MYRIP: variants seen among roughly 807,000 people sequenced by gnomAD.
The protein encoded by MYRIP is rab effector MyRIP.
A neutral mutation model predicts 98.0 loss-of-function variants in MYRIP; 49 were observed. The ratio of observed to expected loss-of-function variants is 0.50; its 90% CI spans 0.40 to 0.63. The LOEUF (loss-of-function observed/expected upper bound fraction) is 0.63. Ranked by LOEUF, MYRIP falls within the 30% of genes least tolerant of loss-of-function variation. MYRIP has a pLI of 0.00. For missense variants in MYRIP, 1,004 were observed against 1,058.2 expected, an observed-to-expected ratio of 0.95 and a Z score of 0.71; for synonymous variants, 404 against 409.5, an observed-to-expected ratio of 0.99 and a Z score of 0.16.
At chr3:40,198,370 G>A (rs1465070196) in intron 10 of MYRIP, among the ~76,000 whole-genome samples, 4 of 152,166 alleles carry the variant, frequency 2.6e-5, no homozygotes, top group Non-Finnish European at 4.4e-5. Context: ...AAGATTGGAG[G>A]TTGAGAGAAT....
At chr3:40,040,103 C>T (rs936706895) in intron 2 of MYRIP, among the ~76,000 whole-genome samples, 5 of 152,098 alleles carry the variant, frequency 3.3e-5, no homozygotes, top group African/African-American at 7.2e-5. Context: ...TTATAAGACC[C>T]CTTTTCCAAA....
rs144303825 is a variant in MYRIP, at chr3:39,924,257, T to C, written c.110+23331T>C. On this transcript the variant is annotated intron_variant, in intron 2 of 16. Transcript: ENST00000302541. ...AAGAAATTCACCTCAAATATAACGATATAGATAGGTTGAAAGTAAAAGTAT... is the reference window on the plus strand; with the variant it reads ...AAGAAATTCACCTCAAATATAACGACATAGATAGGTTGAAAGTAAAAGTAT... Among the ~76,000 whole-genome samples, 306 of 152,144 alleles carry C rather than the reference T, an allele frequency of 2.0e-3. 2 individuals carry two copies. The highest frequency in any genetic ancestry group is 6.9e-3 in the African/African-American group (287 of 41,540).
intron 2 of MYRIP, among the ~76,000 whole-genome samples, chr3:40,010,953 A>C (rs1946749442): frequency 1.3e-5 from 2 of 152,192 alleles, no homozygotes; most frequent in African/African-American, 4.8e-5. Flanking sequence ...ATATATGTGA[A>C]TAACCCATTT....
At chr3:40,229,557 C>T (rs569899773) in intron 11 of MYRIP, among the ~76,000 whole-genome samples, 31 of 152,320 alleles carry the variant, frequency 2.0e-4, no homozygotes, top group Admixed American at 9.8e-4. Context: ...ACAGTAGTTT[C>T]GCTACCTCAT....
chr3:40,115,442 A>G (rs571073456), intron 3 of MYRIP, among the ~76,000 whole-genome samples: 2 of 152,334 alleles, frequency 1.3e-5, no homozygotes, highest in South Asian at 4.1e-4. Flanking sequence ...CAAGCCAAGG[A>G]AATGCCAGAC....
rs993301597 is a variant in MYRIP at position 40,256,052 on chromosome 3, C to T, written c.2548-2082C>T. Among the ~76,000 whole-genome samples the T allele has an allele frequency of 2.6e-5, 4 of 152,266 alleles. No individual in the cohort carries two copies. In the East Asian group the frequency reaches 7.7e-4, roughly 29 times the overall value. On this transcript the variant is annotated intron_variant, in intron 16 of 16. Coordinates refer to ENST00000302541, the MANE Select transcript of MYRIP (RefSeq NM_015460.4). ...ATATCTGCAGTGACCAGTACAGTGG[C>T]CACTAGCCACGTGTGGCTACTGAGC...
rs202131896 is a variant in MYRIP at position 40,190,480 on chromosome 3, C to T, written c.1665+17C>T. 3.0e-5 allele frequency: 46 copies of T among 1,559,042 alleles called. No individual in the cohort carries two copies. The highest frequency in any genetic ancestry group is 1.1e-4 in the South Asian group (9 of 81,372). On this transcript the variant is annotated intron_variant, in intron 10 of 16. Coordinates refer to ENST00000302541, the MANE Select transcript of MYRIP (RefSeq NM_015460.4). ...ACACATCAGGTAATGGAAGTGCATG[C>T]GTGCAAATGCACACACACTCTTTAG...
In MYRIP at chr3:40,240,541, T is replaced by C. The variant is rs567857754; in HGVS notation, c.2101-3905T>C. On this transcript the variant is annotated intron_variant, in intron 12 of 16. Transcript: ENST00000302541. ...AAAGAAAGTGGTGACAGACGGCACC[T>C]GGAAAATCGGGTCACTCCCACCCGA... Among the ~76,000 whole-genome samples, 3 of 152,302 alleles carry C rather than the reference T, an allele frequency of 2.0e-5. No individual in the cohort carries two copies. In the South Asian group the frequency reaches 6.2e-4, roughly 32 times the overall value.
At chr3:39,955,499 G>A (rs1052636850) in intron 2 of MYRIP, among the ~76,000 whole-genome samples, 1 of 152,056 alleles carries the variant, frequency 6.6e-6, no homozygotes, top group African/African-American at 2.4e-5. Context: ...TCACCACCAG[G>A]CCTGCCATAC....
intron 3 of MYRIP, among the ~76,000 whole-genome samples, chr3:40,144,765 A>G (rs1346431066): frequency 6.6e-6 from 1 of 152,252 alleles, no homozygotes; most frequent in African/African-American, 2.4e-5. Context: ...TGTTTTTTAA[A>G]TAAAAATGAC....
chr3:40,036,121 A>C (rs1257138232), intron 2 of MYRIP, among the ~76,000 whole-genome samples: 2 of 151,780 alleles, frequency 1.3e-5, no homozygotes, highest in Non-Finnish European at 2.9e-5. Context: ...TGAAGTTTTA[A>C]AAATGACGAA....
intron 12 of MYRIP, among the ~76,000 whole-genome samples, chr3:40,234,530 T>C (rs983032331): frequency 6.7e-6 from 1 of 148,748 alleles, no homozygotes; most frequent in African/African-American, 2.5e-5. Context: ...CTGCTGGGAA[T>C]AGAAGCACAC....
In MYRIP at chr3:40,188,517, C is replaced by T. The variant is rs185171251; in HGVS notation, c.1028-1309C>T. 3.1e-3 allele frequency among the ~76,000 whole-genome samples: 467 copies of T among 151,864 alleles called. 1 individual carries two copies. The highest frequency in any genetic ancestry group is 0.01 in the African/African-American group (422 of 41,404). On this transcript the variant is annotated intron_variant, in intron 9 of 16. Transcript: ENST00000302541. ...AAAAGACTGGGTGCTGTGGCTCACGCCTGTAATCCCAGCACTTTGGGAGGC... is the reference window on the plus strand; with the variant it reads ...AAAAGACTGGGTGCTGTGGCTCACGTCTGTAATCCCAGCACTTTGGGAGGC...
intron 11 of MYRIP, among the ~76,000 whole-genome samples, chr3:40,225,570 G>A (rs1222702332): frequency 6.6e-6 from 1 of 152,174 alleles, no homozygotes; most frequent in African/African-American, 2.4e-5. Context: ...ATGGGTTTGG[G>A]AAACCACCAT....
At chr3:40,014,069 C>CT (rs1224433914) in intron 2 of MYRIP, among the ~76,000 whole-genome samples, 1 of 152,118 alleles carries the variant, frequency 6.6e-6, no homozygotes, top group Non-Finnish European at 1.5e-5. Flanking sequence ...ATTTTGTATA[C>CT]TTGATGTTTA....
At chr3:39,876,386 G>C (rs972673572) in intron 1 of MYRIP, among the ~76,000 whole-genome samples, 3 of 152,196 alleles carry the variant, frequency 2.0e-5, no homozygotes, top group Non-Finnish European at 4.4e-5. Flanking sequence ...CTGTCATTAT[G>C]ATGTTAGCTG....
chr3:39,999,378 A>G (rs998055817), intron 2 of MYRIP, among the ~76,000 whole-genome samples: 15 of 152,252 alleles, frequency 9.9e-5, no homozygotes, highest in African/African-American at 2.9e-4. Flanking sequence ...ATGAACAGAC[A>G]CTTCTCAAAA....
chr3:40,187,425 G>C (rs1288701314), intron 9 of MYRIP, among the ~76,000 whole-genome samples: 1 of 152,206 alleles, frequency 6.6e-6, no homozygotes, highest in Non-Finnish European at 1.5e-5. Context: ...TATAGACAAG[G>C]GGAAAGGAGC....
chr3:39,915,727 A>G (rs1944139617), intron 2 of MYRIP, among the ~76,000 whole-genome samples: 1 of 150,152 alleles, frequency 6.7e-6, no homozygotes, highest in African/African-American at 2.5e-5. Flanking sequence ...CCAGAAGGTA[A>G]TCTTCATTAT....
Sources: gnomAD v4.1 joint callset for allele counts (sites outside exome capture counted in the v4.1 genomes callset) on GRCh38, gnomAD v4.1.1 for gene constraint, MANE v1.5 for transcripts, NCBI Gene and HGNC (gene_info 2026-07-23, HGNC 2026-07-21) for gene names.